The following INSC variants were observed in gnomAD, a reference collection of about 807,000 sequenced individuals.
INSC encodes protein inscuteable homolog.
In INSC, 67 loss-of-function variants were observed where a neutral mutation model predicts 58.6. The observed-to-expected ratio is 1.14, with a 90% CI of 0.94 to 1.40. INSC has a LOEUF of 1.40. INSC is among the 40% of genes most tolerant of loss of function. The pLI is 0.00. For missense variants in INSC, 714 were observed against 692.0 expected (o/e 1.03, Z -0.36); for synonymous variants, 262 against 276.1 (o/e 0.95, Z 0.51).
chr11:15,115,511 G>A (rs1470658130), intron 1 of INSC, among the ~76,000 whole-genome samples: 6 of 152,300 alleles, frequency 3.9e-5, no homozygotes, highest in South Asian at 4.1e-4. Flanking sequence ...TTCAGCTTTG[G>A]TTTCTCAGGG....
chr11:15,126,471 A>G (rs771940675), intron 1 of INSC, among the ~76,000 whole-genome samples: 6 of 152,168 alleles, frequency 3.9e-5, no homozygotes, highest in East Asian at 1.9e-4. Context: ...CTGGCCATGA[A>G]TGACTCTTTT....
Position 15,121,043 on chromosome 11 carries a change from GT to G in INSC, c.-46+6044del, listed in dbSNP as rs565301413. Among the ~76,000 whole-genome samples the G allele has an allele frequency of 2.6e-3, 337 of 129,106 alleles. 2 individuals carry two copies. Among genetic ancestry groups the G allele is most frequent in the African/African-American group, 9.1e-3 (324 of 35,696 alleles). 84.7% of individuals were successfully genotyped at this position (129,106 alleles called of 152,430 possible). A position where few individuals can be genotyped will look rare whatever the true frequency, so the allele number is the denominator to read the frequency against. ...TGTATATTTTTATAATATATTTATT[GT>G]TTTATTATATATATGAATACATTGA... On this transcript the variant is annotated intron_variant, in intron 1 of 12. Coordinates refer to ENST00000379556, the MANE Select transcript of INSC (RefSeq NM_001042536.3).
rs548346182 is a variant in INSC at position 15,149,880 on chromosome 11, A to G, written c.56+650A>G. Among the ~76,000 whole-genome samples the G allele has an allele frequency of 2.4e-3, 359 of 152,330 alleles. 3 individuals carry two copies. Among genetic ancestry groups the G allele is most frequent in the Non-Finnish European group, 4.4e-3 (297 of 68,020 alleles). ...CAACCTCTTCAGAAGTCTTAAGGTC[A>G]CAAGAAATTAAATTACATGAAAACG... On this transcript the variant is annotated intron_variant, in intron 2 of 12. Coordinates refer to ENST00000379556, the MANE Select transcript of INSC (RefSeq NM_001042536.3).
In INSC at chr11:15,238,917, A is replaced by C; in HGVS notation, c.1238-2A>C. ...ACCAACTGTTCCTTGCTTCCTGCCT[A>C]GGGGTCCAGCTTATCATGGGCATGC... On this transcript the variant is annotated splice_acceptor_variant, in intron 10 of 12. Transcript: ENST00000379556. LOFTEE classifies it high-confidence loss of function. 1 of 1,613,480 alleles carries C rather than the reference A, an allele frequency of 6.2e-7. No individual in the cohort carries two copies. The highest frequency in any genetic ancestry group is 1.1e-5 in the South Asian group (1 of 91,006).
intron 5 of INSC, among the ~76,000 whole-genome samples, chr11:15,185,933 G>C (rs74634073): frequency 6.6e-5 from 10 of 152,252 alleles, no homozygotes; most frequent in Admixed American, 6.5e-4. Flanking sequence ...TTTTTAGGGT[G>C]AAATGAGAAA....
intron 5 of INSC, among the ~76,000 whole-genome samples, chr11:15,188,685 T>G (rs1046290924): frequency 6.6e-6 from 1 of 152,234 alleles, no homozygotes; most frequent in African/African-American, 2.4e-5. Flanking sequence ...GTATAGACAT[T>G]AACATGAAAT....
At chr11:15,228,306 G>GC (rs1461905029) in intron 9 of INSC, among the ~76,000 whole-genome samples, 1 of 152,166 alleles carries the variant, frequency 6.6e-6, no homozygotes, top group Admixed American at 6.5e-5. Flanking sequence ...GGAATGACTA[G>GC]CCCCCTCTTG....
chr11:15,237,640 A>C (rs905708730), intron 10 of INSC, among the ~76,000 whole-genome samples: 7 of 152,218 alleles, frequency 4.6e-5, no homozygotes, highest in Non-Finnish European at 7.3e-5. Context: ...AGGTCTGGAC[A>C]GGGCAAATCT....
chr11:15,176,273 G>A (rs976616367), intron 3 of INSC, among the ~76,000 whole-genome samples, 187 bp downstream of exon 3: 1 of 152,060 alleles, frequency 6.6e-6, no homozygotes, highest in Non-Finnish European at 1.5e-5. Context: ...CATTGTGCTA[G>A]GTGTTTTTTT....
chr11:15,169,523 T>G (rs1343382252), intron 2 of INSC, among the ~76,000 whole-genome samples: 3 of 149,232 alleles, frequency 2.0e-5, no homozygotes, highest in African/African-American at 7.4e-5. Context: ...CAGTTTTTGT[T>G]GTTGTTGTTG....
intron 9 of INSC, among the ~76,000 whole-genome samples, chr11:15,230,711 T>A (rs1396691128): frequency 2.0e-5 from 3 of 152,352 alleles, no homozygotes; most frequent in African/African-American, 7.2e-5. Context: ...GTCTGACTTT[T>A]ATATGCTCTC....
chr11:15,184,164 A>AT (rs778937355), intron 5 of INSC, among the ~76,000 whole-genome samples: 5 of 152,110 alleles, frequency 3.3e-5, no homozygotes, highest in African/African-American at 9.7e-5. Flanking sequence ...ATATTCTTAG[A>AT]TTTTTTATTA....
intron 5 of INSC, among the ~76,000 whole-genome samples, chr11:15,189,188 G>A (rs1366471712): frequency 3.3e-5 from 5 of 152,078 alleles, no homozygotes; most frequent in South Asian, 4.1e-4. Context: ...ATCATTTTAC[G>A]AACAGGGAAA....
At chr11:15,187,741 A>G (rs1850023469) in intron 5 of INSC, among the ~76,000 whole-genome samples, 1 of 152,078 alleles carries the variant, frequency 6.6e-6, no homozygotes, top group Non-Finnish European at 1.5e-5. Context: ...CCTAGTATGC[A>G]TTTTAAGAAA....
chr11:15,178,290 T>C, intron 4 of INSC, 34 bp from the exon 5 acceptor site: 2 of 1,612,776 alleles, frequency 1.2e-6, no homozygotes, highest in African/African-American at 2.7e-5. Context: ...ACATGCCCTT[T>C]CCAGTGGCCC....
intron 2 of INSC, among the ~76,000 whole-genome samples, chr11:15,172,644 G>T (rs567705308): frequency 2.6e-5 from 4 of 152,332 alleles, no homozygotes; most frequent in African/African-American, 9.6e-5. Flanking sequence ...GTAGAAACTT[G>T]CCAGGTAGAG....
intron 1 of INSC, among the ~76,000 whole-genome samples, chr11:15,135,088 A>G (rs10832366): frequency 0.48 from 73,652 of 151,956 alleles, 19,018 homozygotes; most frequent in Non-Finnish European, 0.58. Flanking sequence ...GTCCTGAGGC[A>G]TTGGAATTAC....
chr11:15,237,302 T>C (rs1188717186), intron 10 of INSC, among the ~76,000 whole-genome samples: 2 of 152,130 alleles, frequency 1.3e-5, no homozygotes, highest in African/African-American at 2.4e-5. Flanking sequence ...GTGGTTGAGG[T>C]TGAAAACTGG....
chr11:15,189,950 T>A (rs576380221), intron 5 of INSC, among the ~76,000 whole-genome samples: 5 of 152,370 alleles, frequency 3.3e-5, no homozygotes, highest in East Asian at 3.9e-4. Flanking sequence ...TCTTTGTATC[T>A]TTTTTGTTAA....
Sources: gnomAD v4.1 joint callset for allele counts (sites outside exome capture counted in the v4.1 genomes callset) on GRCh38, gnomAD v4.1.1 for gene constraint, MANE v1.5 for transcripts, NCBI Gene and HGNC (gene_info 2026-07-23, HGNC 2026-07-21) for gene names.